Variants in BRWD1 observed in about 807,000 individuals in gnomAD.
BRWD1 encodes the protein bromodomain and WD repeat-containing protein 1.
In BRWD1, 82 loss-of-function variants were observed where a neutral mutation model predicts 251.2. The observed-to-expected ratio is 0.33, with a 90% CI of 0.27 to 0.39. The LOEUF is 0.39. BRWD1 is among the 10% of genes least tolerant of loss of function. The pLI is 1.00. For synonymous variants in BRWD1, 918 were observed against 902.8 expected (o/e 1.02, Z -0.30); for missense variants, 2,233 against 2,711.6 (o/e 0.82, Z 3.92).
rs896512425 is a variant in BRWD1 at position 39,190,378 on chromosome 21, T to A, written c.*5881A>T. The A allele has an allele frequency of 4.9e-5, 48 of 985,318 alleles. No individual in the cohort carries two copies. The Middle Eastern group carries it at 1.6e-3, about 32-fold the overall frequency. 61.0% of individuals were successfully genotyped at this position (985,318 alleles called of 1,614,324 possible). A position where few individuals can be genotyped will look rare whatever the true frequency, so the allele number is the denominator to read the frequency against. The stretch of plus-strand genomic sequence containing the variant: ...ATTGGCATTTTTAAAATTGGAGCAT[T>A]TAAAACAGATTTGAGAATGAGAAAA... On this transcript the variant is annotated 3_prime_UTR_variant, in exon 41 of 41. Transcript: ENST00000342449.
chr21:39,317,585 C>T (rs143061167), upstream of BRWD1, among the ~76,000 whole-genome samples: 1 of 152,328 alleles, frequency 6.6e-6, no homozygotes, highest in East Asian at 1.9e-4. Context: ...AGTCCATTCT[C>T]CCTTGGCCAC....
chr21:39,313,783 A>T (rs2036615692), upstream of BRWD1: 15 of 380,364 alleles, frequency 3.9e-5, no homozygotes, highest in South Asian at 4.8e-4. Flanking sequence ...GCCTCCGGGG[A>T]CTCGATGAGG....
rs772387731 is a variant in BRWD1, at chr21:39,187,256, T to C, written c.*9003A>G. The C allele has an allele frequency of 1.2e-6, 2 of 1,613,858 alleles. No homozygotes were observed. Among genetic ancestry groups the C allele is most frequent in the African/African-American group, 2.7e-5 (2 of 74,928 alleles). On this transcript the variant is annotated 3_prime_UTR_variant, in exon 41 of 41. Transcript: ENST00000342449. ...GAGATCGTTTCTTTTAGATTACTCA[T>C]TATCTTTATTTTATTTGCAGCAACA...
At chr21:39,309,196 G>C (rs189320022) in intron 4 of BRWD1, among the ~76,000 whole-genome samples, 1 of 151,738 alleles carries the variant, frequency 6.6e-6, no homozygotes, top group Non-Finnish European at 1.5e-5. Context: ...ACAAAAATCA[G>C]GGAAGGTGTG....
Position 39,194,209 on chromosome 21 carries a change from G to A in BRWD1, c.*2050C>T. 1.0e-6 allele frequency: 1 copy of A among 981,466 alleles called. No homozygotes were observed. Among genetic ancestry groups the A allele is most frequent in the Non-Finnish European group, 1.2e-6 (1 of 825,724 alleles). 60.8% of individuals were successfully genotyped at this position (981,466 alleles called of 1,614,324 possible). Reference sequence around the variant, plus strand: ...ATGAAGCCTAAACTGTCAAAATATTGTTTTATACCAAAAGAATGTATGTAC... The same window carrying A: ...ATGAAGCCTAAACTGTCAAAATATTATTTTATACCAAAAGAATGTATGTAC... On this transcript the variant is annotated 3_prime_UTR_variant, in exon 41 of 41. Transcript: ENST00000342449.
Position 39,187,081 on chromosome 21 carries a change from TTAA to T in BRWD1, c.*9175_*9177del. The T allele has an allele frequency of 6.3e-7, 1 of 1,596,812 alleles. No individual in the cohort carries two copies. The highest frequency in any genetic ancestry group is 8.5e-7 in the Non-Finnish European group (1 of 1,175,602). On this transcript the variant is annotated 3_prime_UTR_variant, in exon 41 of 41. Transcript: ENST00000342449. ...CCCCCTTAAAAAAAGCATTTTTCTA[TTAA>T]TATCTTCTAGCTCTTTTTCACTTTC...
Position 39,295,907 on chromosome 21 carries a change from G to A in BRWD1, c.449-4C>T, listed in dbSNP as rs373294776. 112 of 1,567,778 alleles carry A rather than the reference G, an allele frequency of 7.1e-5. No individual in the cohort carries two copies. The highest frequency in any genetic ancestry group is 9.2e-5 in the East Asian group (4 of 43,562). ...TGTTTTCCTCGATGTATCTCCACTA[G>A]GAAATAAAAACAATGAAAATGGTTA... On this transcript the variant is annotated splice_region_variant and splice_polypyrimidine_tract_variant and intron_variant, in intron 6 of 40. Coordinates refer to ENST00000342449, the MANE Select transcript of BRWD1 (RefSeq NM_033656.4).
upstream of BRWD1, among the ~76,000 whole-genome samples, chr21:39,316,710 C>T (rs1376957211): frequency 1.3e-5 from 2 of 152,160 alleles, no homozygotes; most frequent in African/African-American, 4.8e-5. Flanking sequence ...AGGCCAAGGC[C>T]AGAGGACTGC....
chr21:39,192,209 A>C lies in BRWD1; in HGVS notation c.*4050T>G. Reference sequence around the variant, plus strand: ...ACATCTCTGTAATTTAACAGCCTTTAAAACTTAAAATCGTAAGAAAAGACA... The same window carrying C: ...ACATCTCTGTAATTTAACAGCCTTTCAAACTTAAAATCGTAAGAAAAGACA... On this transcript the variant is annotated 3_prime_UTR_variant, in exon 41 of 41. Transcript: ENST00000342449. 1.0e-6 allele frequency: 1 copy of C among 985,092 alleles called. No individual in the cohort carries two copies. Among genetic ancestry groups the C allele is most frequent in the Non-Finnish European group, 1.2e-6 (1 of 829,814 alleles). The allele number at this position is 985,092 out of a possible 1,614,324, so 61.0% of individuals were successfully genotyped here. A position where few individuals can be genotyped will look rare whatever the true frequency, so the allele number is the denominator to read the frequency against.
At chr21:39,305,319 A>G (rs1211064891) in intron 4 of BRWD1, among the ~76,000 whole-genome samples, 1 of 152,190 alleles carries the variant, frequency 6.6e-6, no homozygotes, top group Non-Finnish European at 1.5e-5. Flanking sequence ...GCAAAAATCC[A>G]TAAGGATACA....
intron 4 of BRWD1, among the ~76,000 whole-genome samples, chr21:39,303,199 GAAT>G (rs1236232684): frequency 1.3e-5 from 2 of 151,944 alleles, no homozygotes; most frequent in Non-Finnish European, 2.9e-5. Flanking sequence ...ACCACCAAAA[GAAT>G]AATAAAAGGA....
intron 5 of BRWD1, chr21:39,298,152 A>T: frequency 9.4e-7 from 1 of 1,068,920 alleles, no homozygotes; most frequent in Non-Finnish European, 1.1e-6. Context: ...ATGGAAAATT[A>T]AGAACTCACA....
At chr21:39,226,164 G>A (rs1232246214) in intron 27 of BRWD1, among the ~76,000 whole-genome samples, 1 of 151,862 alleles carries the variant, frequency 6.6e-6, no homozygotes, top group Non-Finnish European at 1.5e-5. Context: ...AAATAAAAAG[G>A]AGCCTGAAAA....
intron 5 of BRWD1, chr21:39,297,121 GAAAA>G (rs1182741677): frequency 1.0e-6 from 1 of 984,858 alleles, no homozygotes; most frequent in African/African-American, 1.8e-5. Flanking sequence ...AATGCACTAA[GAAAA>G]AAAAGTCTGC....
rs1039745908 is a variant in BRWD1 at position 39,213,342 on chromosome 21, A to G, written c.3858+139T>C. ...ACCTCATAAATCATCTAGAAAATTC[A>G]AAAATATAATTTTATCAAATGCCCT... is the stretch of plus-strand genomic sequence containing the variant. On this transcript the variant is annotated intron_variant, in intron 33 of 40. Coordinates refer to ENST00000342449, the MANE Select transcript of BRWD1 (RefSeq NM_033656.4). The G allele has an allele frequency of 4.1e-6, 3 of 738,088 alleles. No homozygotes were observed. In the African/African-American group the frequency reaches 5.4e-5, roughly 13 times the overall value. The allele number at this position is 738,088 out of a possible 1,614,324, so 45.7% of individuals were successfully genotyped here.
intron 13 of BRWD1, among the ~76,000 whole-genome samples, chr21:39,273,247 C>G (rs186246451): frequency 7.9e-4 from 121 of 152,272 alleles, no homozygotes; most frequent in African/African-American, 2.9e-3. Context: ...CACCCCCATT[C>G]CCTTTATTTC....
intron 13 of BRWD1, among the ~76,000 whole-genome samples, chr21:39,270,654 A>G (rs556586428): frequency 6.6e-6 from 1 of 152,238 alleles, no homozygotes; most frequent in Non-Finnish European, 1.5e-5. Flanking sequence ...CAGAGACTGA[A>G]TAAGGGCAGA....
chr21:39,269,045 A>C (rs1233735079), intron 15 of BRWD1, among the ~76,000 whole-genome samples: 3 of 152,044 alleles, frequency 2.0e-5, no homozygotes, highest in Non-Finnish European at 4.4e-5. Flanking sequence ...AACCACTTAA[A>C]CACAACGCAT....
intron 4 of BRWD1, among the ~76,000 whole-genome samples, chr21:39,305,118 C>T (rs1349129748): frequency 6.6e-6 from 1 of 151,972 alleles, no homozygotes; most frequent in East Asian, 1.9e-4. Context: ...TACCACCATG[C>T]CTGGCTAATT....
Sources: gnomAD v4.1 joint callset for allele counts (sites outside exome capture counted in the v4.1 genomes callset) on GRCh38, gnomAD v4.1.1 for gene constraint, MANE v1.5 for transcripts, NCBI Gene and HGNC (gene_info 2026-07-23, HGNC 2026-07-21) for gene names.